Variants in ABTB2 observed in about 807,000 individuals in gnomAD.
ABTB2 encodes the protein ankyrin repeat and BTB domain containing 2.
Under a neutral mutation model 104.1 loss-of-function variants are expected in ABTB2, and 56 were observed. The ratio of observed to expected loss-of-function variants is 0.54; its 90% confidence interval spans 0.43 to 0.67. The LOEUF is 0.67. Among genes scored for constraint, ABTB2 ranks in the 30% least tolerant of loss-of-function variants. The pLI, the probability that ABTB2 is intolerant of heterozygous loss-of-function variation, is 0.00. For synonymous variants in ABTB2, 606 were observed against 608.2 expected (o/e 1.00, Z 0.05); for missense variants, 1,279 against 1,407.7 (o/e 0.91, Z 1.46).
chr11:34,336,201 T>C (rs551912412), intron 1 of ABTB2, among the ~76,000 whole-genome samples: 3 of 152,370 alleles, frequency 2.0e-5, no homozygotes, highest in South Asian at 2.1e-4. Flanking sequence ...ATTCAACTAA[T>C]TTTTCCTCCT....
chr11:34,168,698 G>A lies in ABTB2; in HGVS notation c.1564-706C>T, dbSNP rs143996840. Among the ~76,000 whole-genome samples, 22 of 152,370 alleles carry A rather than the reference G, an allele frequency of 1.4e-4. No individual in the cohort carries two copies. The East Asian group carries it at 2.7e-3, about 19-fold the overall frequency. On this transcript the variant is annotated intron_variant, in intron 5 of 16. Transcript: ENST00000435224. The stretch of plus-strand genomic sequence containing the variant: ...AGCTGTGAAGCCCAAGCTTTGCGCC[G>A]TCCCACGAGACGGTAGAGGAGGCAT...
At chr11:34,256,398 T>G (rs1854123526) in intron 1 of ABTB2, among the ~76,000 whole-genome samples, 1 of 152,168 alleles carries the variant, frequency 6.6e-6, no homozygotes, top group Non-Finnish European at 1.5e-5. Context: ...CTGCAGTATT[T>G]CAGCCTTGGG....
At position 34,286,080 on chromosome 11, in the gene ABTB2, C is replaced by A. The variant is rs112282658; in HGVS notation, c.883+70621G>T. On this transcript the variant is annotated intron_variant, in intron 1 of 16. Transcript: ENST00000435224. ...GTCTCAGCTACTTGGGAGGCAGAGG[C>A]AGGATGACTGCCTGAGCCCAGGAGT... is the stretch of plus-strand genomic sequence containing the variant. 1.1e-3 allele frequency among the ~76,000 whole-genome samples: 165 copies of A among 151,850 alleles called. 1 individual carries two copies. The highest frequency in any genetic ancestry group is 3.8e-3 in the African/African-American group (159 of 41,390).
In ABTB2 at chr11:34,152,057, C is replaced by T. The variant is rs1852548919; in HGVS notation, c.*330G>A. Reference sequence around the variant, plus strand: ...TAGGGGTGAGTAGAGCTTGGAGGGCCTGGGCGGAGGTGGATCAGGATCAGC... The same window carrying T: ...TAGGGGTGAGTAGAGCTTGGAGGGCTTGGGCGGAGGTGGATCAGGATCAGC... On this transcript the variant is annotated 3_prime_UTR_variant, in exon 17 of 17. Coordinates refer to ENST00000435224, the MANE Select transcript of ABTB2 (RefSeq NM_145804.3). 1 of 355,468 alleles carries T rather than the reference C, an allele frequency of 2.8e-6. No individual in the cohort carries two copies. Among genetic ancestry groups the T allele is most frequent in the African/African-American group, 2.1e-5 (1 of 47,808 alleles). The allele number at this position is 355,468 out of a possible 1,614,324, so 22.0% of individuals were successfully genotyped here. A position where few individuals can be genotyped will look rare whatever the true frequency, so the allele number is the denominator to read the frequency against.
rs143595896 is a variant in ABTB2, at chr11:34,226,110, G to A, written c.884-21420C>T. On this transcript the variant is annotated intron_variant, in intron 1 of 16. Transcript: ENST00000435224. ...CCAGATACTTGGGAGGCTGAGGTGG[G>A]AGGATCACTTGAGCCTGGGAGGCAG... 9.3e-5 allele frequency among the ~76,000 whole-genome samples: 14 copies of A among 151,264 alleles called. No homozygotes were observed. In the East Asian group the frequency reaches 2.4e-3, roughly 25 times the overall value.
At chr11:34,334,617 T>TA (rs1331446406) in intron 1 of ABTB2, among the ~76,000 whole-genome samples, 6 of 152,282 alleles carry the variant, frequency 3.9e-5, no homozygotes, top group Non-Finnish European at 8.8e-5. Flanking sequence ...TACATGCATC[T>TA]AAACCATATG....
rs1487143012 is a variant in ABTB2, at chr11:34,357,054, G to T, written c.530C>A (p.Ala177Glu). 6.5e-7 allele frequency: 1 copy of T among 1,527,068 alleles called. No individual in the cohort carries two copies. The highest frequency in any genetic ancestry group is 2.4e-5 in the East Asian group (1 of 40,940). The allele number at this position is 1,527,068 out of a possible 1,614,324, so 94.6% of individuals were successfully genotyped here. A position where few individuals can be genotyped will look rare whatever the true frequency, so the allele number is the denominator to read the frequency against. The stretch of plus-strand genomic sequence containing the variant: ...GTACAGGGACAGCGCCTTGACGGCT[G>T]CCAGCGCGCAGCTCTCGGCCAGCGC... Reference protein sequence around the residue: ...SWALAESCALAAVKALSLYSM... With the variant: ...SWALAESCALEAVKALSLYSM... The change falls in exon 1 of 17, where the codon GCA (alanine) becomes GAA (glutamate). Residue 177 changes from alanine (A) to glutamate (E), a missense_variant. Coordinates refer to ENST00000435224, the MANE Select transcript of ABTB2 (RefSeq NM_145804.3).
intron 1 of ABTB2, among the ~76,000 whole-genome samples, chr11:34,248,447 A>AC (rs1400199913): frequency 2.0e-5 from 3 of 152,022 alleles, no homozygotes; most frequent in Admixed American, 6.6e-5. Flanking sequence ...AAACAAACAA[A>AC]AAAAACCCTT....
At chr11:34,284,074 G>C (rs1854477210) in intron 1 of ABTB2, among the ~76,000 whole-genome samples, 1 of 152,292 alleles carries the variant, frequency 6.6e-6, no homozygotes, top group East Asian at 1.9e-4. Context: ...GTCTATGGTG[G>C]GGCTTTTGAG....
intron 1 of ABTB2, among the ~76,000 whole-genome samples, chr11:34,298,555 T>C (rs1395258566): frequency 6.6e-6 from 1 of 152,024 alleles, no homozygotes; most frequent in Non-Finnish European, 1.5e-5. Flanking sequence ...CTCCACCTCT[T>C]GGGTTCAAAC....
At chr11:34,204,145 C>G (rs12295338) in intron 2 of ABTB2, among the ~76,000 whole-genome samples, 68 of 152,184 alleles carry the variant, frequency 4.5e-4, no homozygotes, top group African/African-American at 1.6e-3. Context: ...GGTGTGCTTT[C>G]TTTCGAGAAA....
At chr11:34,327,836 T>C (rs1309473504) in intron 1 of ABTB2, among the ~76,000 whole-genome samples, 1 of 152,206 alleles carries the variant, frequency 6.6e-6, no homozygotes, top group Non-Finnish European at 1.5e-5. Flanking sequence ...TCTGCTGCTA[T>C]GACCTTGGCA....
At position 34,151,164 on chromosome 11, in the gene ABTB2, CT is replaced by C. The variant is rs1451887004; in HGVS notation, c.*1222del. On this transcript the variant is annotated 3_prime_UTR_variant, in exon 17 of 17. Coordinates refer to ENST00000435224, the MANE Select transcript of ABTB2 (RefSeq NM_145804.3). ...TTCCAGAATTGCAAGCCCCTGGGGGCTTTTCAGGGTGACCTGAGTGCCACCT... is the reference window on the plus strand; with the variant it reads ...TTCCAGAATTGCAAGCCCCTGGGGGCTTTCAGGGTGACCTGAGTGCCACCT... 1 of 152,640 alleles carries C rather than the reference CT, an allele frequency of 6.6e-6. No individual in the cohort carries two copies. Among genetic ancestry groups the C allele is most frequent in the African/African-American group, 2.4e-5 (1 of 41,472 alleles). 9.5% of individuals were successfully genotyped at this position (152,640 alleles called of 1,614,324 possible).
chr11:34,167,412 GTAC>G, intron 6 of ABTB2, 52 bp from the exon 7 acceptor site: 1 of 1,456,142 alleles, frequency 6.9e-7, no homozygotes, highest in Non-Finnish European at 9.5e-7. Flanking sequence ...AGCGAAGGGA[GTAC>G]CCTGCAGGGA....
chr11:34,324,112 T>C lies in ABTB2; in HGVS notation c.883+32589A>G, dbSNP rs1855039700. The stretch of plus-strand genomic sequence containing the variant: ...TTTTAGTAGAGACGGGGTTTCACCA[T>C]GTTGGCCAGGCTGGTCTTGAACTCC... On this transcript the variant is annotated intron_variant, in intron 1 of 16. Coordinates refer to ENST00000435224, the MANE Select transcript of ABTB2 (RefSeq NM_145804.3). Among the ~76,000 whole-genome samples the C allele has an allele frequency of 3.3e-5, 5 of 152,076 alleles. No individual in the cohort carries two copies. In the South Asian group the frequency reaches 1.0e-3, roughly 32 times the overall value.
At chr11:34,228,561 T>G (rs979937369) in intron 1 of ABTB2, among the ~76,000 whole-genome samples, 2 of 151,882 alleles carry the variant, frequency 1.3e-5, no homozygotes, top group African/African-American at 4.8e-5. Context: ...ATTTTTATAT[T>G]TTTAGTAGAG....
At chr11:34,217,994 A>C (rs896812638) in intron 1 of ABTB2, among the ~76,000 whole-genome samples, 1 of 152,182 alleles carries the variant, frequency 6.6e-6, no homozygotes, top group Non-Finnish European at 1.5e-5. Flanking sequence ...GTGCAGTGGT[A>C]TGTCCTAGTA....
Position 34,200,525 on chromosome 11 carries a change from G to A in ABTB2, c.1031-2987C>T, listed in dbSNP as rs193254266. ...AATGGCTGCAGAGAACTCTGACTGT[G>A]ACGTCTAAAAACTTACACTGCGTGG... On this transcript the variant is annotated intron_variant, in intron 2 of 16. Coordinates refer to ENST00000435224, the MANE Select transcript of ABTB2 (RefSeq NM_145804.3). Among the ~76,000 whole-genome samples, 669 of 152,302 alleles carry A rather than the reference G, an allele frequency of 4.4e-3. 21 individuals carry two copies. Among genetic ancestry groups the A allele is most frequent in the Non-Finnish European group, 9.6e-4 (65 of 68,034 alleles).
intron 1 of ABTB2, among the ~76,000 whole-genome samples, chr11:34,317,998 T>A (rs1048973002): frequency 2.1e-5 from 3 of 143,038 alleles, no homozygotes; most frequent in African/African-American, 7.8e-5. Flanking sequence ...AGCCTCGCTC[T>A]GTCACCCAGG....
Sources: gnomAD v4.1 joint callset for allele counts (sites outside exome capture counted in the v4.1 genomes callset) on GRCh38, gnomAD v4.1.1 for gene constraint, MANE v1.5 for transcripts, NCBI Gene and HGNC (gene_info 2026-07-23, HGNC 2026-07-21) for gene names.